OCA2: variants seen among roughly 807,000 people sequenced by gnomAD.
OCA2 encodes P protein.
A neutral mutation model predicts 100.2 loss-of-function variants in OCA2; 77 were observed. The ratio of observed to expected loss-of-function variants is 0.77; its 90% CI spans 0.64 to 0.93. OCA2 has a LOEUF of 0.93. Ranked by LOEUF, OCA2 falls within the 40% of genes least tolerant of loss-of-function variation. OCA2 has a pLI of 0.00. For synonymous variants in OCA2, 432 were observed against 439.2 expected (o/e 0.98, Z 0.21); for missense variants, 1,062 against 1,089.1 (o/e 0.98, Z 0.35).
intron 4 of OCA2, among the ~76,000 whole-genome samples, chr15:28,025,213 G>GA (rs568895684): frequency 6.6e-6 from 1 of 151,964 alleles, no homozygotes; most frequent in Non-Finnish European, 1.5e-5. Context: ...CTGTTTCCTG[G>GA]AAAAAAAGTA....
chr15:27,719,955 T>G, the OCA2 span, among the ~76,000 whole-genome samples: 1 of 152,112 alleles, frequency 6.6e-6, no homozygotes, highest in African/African-American at 2.4e-5. Context: ...AATCTGATTC[T>G]CTCCCAAACC....
At chr15:27,770,913 T>TCCTC (rs1258093491) in intron 23 of OCA2, among the ~76,000 whole-genome samples, 1 of 29,826 alleles carries the variant, frequency 3.4e-5, no homozygotes, top group Non-Finnish European at 7.6e-5. Context: ...CTTCCTTCCC[T>TCCTC]CCTCCCTCCC....
intron 17 of OCA2, 24 bp downstream of exon 17, chr15:27,955,134 C>T (rs374535066): frequency 1.1e-5 from 17 of 1,569,546 alleles, no homozygotes; most frequent in African/African-American, 1.4e-5. Flanking sequence ...AATCAGAAAT[C>T]CCTGAGGAAA....
At chr15:27,953,351 G>A (rs1249092567) in intron 17 of OCA2, among the ~76,000 whole-genome samples, 1 of 152,154 alleles carries the variant, frequency 6.6e-6, no homozygotes, top group African/African-American at 2.4e-5. Flanking sequence ...CCACTGGTGA[G>A]CATCTGCCCC....
chr15:27,771,270 G>A (rs1044838765), intron 23 of OCA2, among the ~76,000 whole-genome samples: 7 of 151,560 alleles, frequency 4.6e-5, no homozygotes, highest in African/African-American at 9.7e-5. Context: ...ACTCTCCACC[G>A]CGGTCCCGCC....
chr15:27,847,879 G>A (rs1198075985), intron 22 of OCA2, among the ~76,000 whole-genome samples: 2 of 152,134 alleles, frequency 1.3e-5, no homozygotes, highest in Admixed American at 1.3e-4. Context: ...GTCCCAGGTG[G>A]CACAAGTCCA....
chr15:27,733,504 C>T, the OCA2 span, among the ~76,000 whole-genome samples: 1 of 152,308 alleles, frequency 6.6e-6, no homozygotes, highest in East Asian at 1.9e-4. Context: ...GCCCACCCTT[C>T]CTAACAGGGC....
chr15:27,773,945 C>T (rs975938118), intron 23 of OCA2, among the ~76,000 whole-genome samples: 1 of 152,176 alleles, frequency 6.6e-6, no homozygotes, highest in Admixed American at 6.5e-5. Flanking sequence ...TGCTGACAGG[C>T]TGTGCCTTAG....
At chr15:27,958,221 A>G (rs985722305) in intron 15 of OCA2, among the ~76,000 whole-genome samples, 5 of 152,264 alleles carry the variant, frequency 3.3e-5, no homozygotes, top group Admixed American at 2.0e-4. Context: ...TTATCACGAA[A>G]GCGAAGTAAT....
chr15:27,932,030 C>T (rs1486554561), intron 18 of OCA2, among the ~76,000 whole-genome samples: 1 of 152,158 alleles, frequency 6.6e-6, no homozygotes, highest in Non-Finnish European at 1.5e-5. Context: ...CTTTGAATTC[C>T]AAGGGCCTCG....
intron 23 of OCA2, among the ~76,000 whole-genome samples, chr15:27,825,950 T>C (rs946541343): frequency 2.0e-5 from 3 of 152,192 alleles, no homozygotes; most frequent in Non-Finnish European, 2.9e-5. Flanking sequence ...AGATCATATC[T>C]AAGGAAATAA....
chr15:27,914,811 C>T (rs1454745188), intron 19 of OCA2, among the ~76,000 whole-genome samples: 2 of 152,044 alleles, frequency 1.3e-5, no homozygotes, highest in Non-Finnish European at 2.9e-5. Context: ...AGATTCAATG[C>T]TATTCATATC....
intron 2 of OCA2, among the ~76,000 whole-genome samples, chr15:28,052,537 A>G (rs1419671258): frequency 2.0e-5 from 3 of 152,140 alleles, no homozygotes; most frequent in Non-Finnish European, 2.9e-5. Flanking sequence ...ATGCAAATCC[A>G]CAAGTTAAAA....
chr15:27,773,136 C>T (rs547035268), intron 23 of OCA2, among the ~76,000 whole-genome samples: 1 of 152,054 alleles, frequency 6.6e-6, no homozygotes. Flanking sequence ...TATTTTTGTT[C>T]ACAAGTTTTA....
chr15:28,081,827 C>T lies in OCA2; in HGVS notation c.48G>A (p.Ala16=), dbSNP rs371834997. Residue 16 remains alanine (A), a synonymous_variant, in exon 2 of 24, where the codon GCG becomes GCA. Transcript: ENST00000354638. The stretch of plus-strand genomic sequence containing the variant: ...GCACGGACGTCTGCAGGAGCTCCAC[C>T]GCCGGCGCGCCGGGGTACCGCCTGC... ...RDGRRYPGAP[A]VELLQTSVPS... 187 of 1,611,764 alleles carry T rather than the reference C, an allele frequency of 1.2e-4. No homozygotes were observed. In the East Asian group the frequency reaches 2.8e-3, roughly 24 times the overall value.
chr15:28,069,367 T>G (rs1479194382), intron 2 of OCA2, among the ~76,000 whole-genome samples: 2 of 8,476 alleles, frequency 2.4e-4, no homozygotes, highest in African/African-American at 1.1e-3. Flanking sequence ...CCTCTCCCTC[T>G]CCCTCTCCCT....
intron 23 of OCA2, among the ~76,000 whole-genome samples, chr15:27,802,856 G>T (rs2033671095): frequency 6.6e-6 from 1 of 151,978 alleles, no homozygotes; most frequent in Non-Finnish European, 1.5e-5. Flanking sequence ...TTGACCCCAG[G>T]TTGCTTAGGT....
At chr15:28,026,486 G>C (rs898769088) in intron 4 of OCA2, among the ~76,000 whole-genome samples, 1 of 152,266 alleles carries the variant, frequency 6.6e-6, no homozygotes, top group African/African-American at 2.4e-5. Flanking sequence ...CACCCACGAG[G>C]GGGGCTGAGA....
chr15:27,803,456 C>T (rs886703161), intron 23 of OCA2, among the ~76,000 whole-genome samples: 3 of 152,184 alleles, frequency 2.0e-5, no homozygotes, highest in African/African-American at 4.8e-5. Flanking sequence ...ACACTGGCGA[C>T]ATAAGGCTGA....
Sources: gnomAD v4.1 joint callset for allele counts (sites outside exome capture counted in the v4.1 genomes callset) on GRCh38, gnomAD v4.1.1 for gene constraint, MANE v1.5 for transcripts, NCBI Gene and HGNC (gene_info 2026-07-23, HGNC 2026-07-21) for gene names.